FUT8: variants seen among roughly 807,000 people sequenced by gnomAD.
FUT8 encodes alpha-(1,6)-fucosyltransferase.
A neutral mutation model predicts 71.3 loss-of-function variants in FUT8; 29 were observed. The observed-to-expected ratio is 0.41, with a 90% CI of 0.30 to 0.55. The LOEUF (loss-of-function observed/expected upper bound fraction) is 0.55. Among genes scored for constraint, FUT8 ranks in the 20% least tolerant of loss-of-function variants. FUT8 has a pLI of 0.34. For missense variants in FUT8, 544 were observed against 702.1 expected (o/e 0.77, Z 2.55); for synonymous variants, 254 against 239.3 (o/e 1.06, Z -0.57).
In FUT8 at chr14:65,478,514, T is replaced by C. The variant is rs578234482; in HGVS notation, c.-228+22796T>C. On this transcript the variant is annotated intron_variant, in intron 2 of 10. Transcript: ENST00000673929. ...TTAAGTGTGATTTTTTTTTCTAATT[T>C]GGGGATAGCTCCTATTTTTGTGAGA... is the stretch of plus-strand genomic sequence containing the variant. 7.9e-5 allele frequency among the ~76,000 whole-genome samples: 12 copies of C among 152,296 alleles called. No individual in the cohort carries two copies. In the East Asian group the frequency reaches 1.5e-3, roughly 20 times the overall value.
chr14:65,420,516 C>G (rs1389869601), intron 1 of FUT8, among the ~76,000 whole-genome samples: 1 of 151,956 alleles, frequency 6.6e-6, no homozygotes, highest in Non-Finnish European at 1.5e-5. Context: ...TAATAGGGAT[C>G]ATGTGTTCAT....
the FUT8 span, among the ~76,000 whole-genome samples, chr14:65,376,960 A>T: frequency 6.6e-6 from 1 of 152,198 alleles, no homozygotes; most frequent in South Asian, 2.1e-4. Flanking sequence ...GAGCCTGGCA[A>T]TGTTAGATTT....
chr14:65,706,466 C>A (rs936473678), intron 7 of FUT8, among the ~76,000 whole-genome samples: 7 of 152,110 alleles, frequency 4.6e-5, no homozygotes, highest in Non-Finnish European at 8.8e-5. Flanking sequence ...AATGAATGAC[C>A]TTATAAAACA....
chr14:65,536,319 A>G (rs1038224969), intron 2 of FUT8, among the ~76,000 whole-genome samples: 11 of 151,920 alleles, frequency 7.2e-5, no homozygotes, highest in Non-Finnish European at 1.6e-4. Flanking sequence ...TATTATACCT[A>G]CTTGTTTGTG....
At chr14:65,520,465 G>A (rs1380838603) in intron 2 of FUT8, among the ~76,000 whole-genome samples, 2 of 151,890 alleles carry the variant, frequency 1.3e-5, no homozygotes, top group South Asian at 2.1e-4. Context: ...AGGATAGTAC[G>A]GAATGTTAAA....
chr14:65,422,136 A>G (rs1004704980), intron 1 of FUT8, among the ~76,000 whole-genome samples: 4 of 152,154 alleles, frequency 2.6e-5, no homozygotes, highest in Admixed American at 1.3e-4. Flanking sequence ...GTATTGTTCA[A>G]TAATAAAAGA....
At chr14:65,418,101 G>A (rs1243275667) in intron 1 of FUT8, among the ~76,000 whole-genome samples, 1 of 152,130 alleles carries the variant, frequency 6.6e-6, no homozygotes, top group South Asian at 2.1e-4. Flanking sequence ...TAGCAATGAG[G>A]CACATGAAGA....
intron 1 of FUT8, among the ~76,000 whole-genome samples, chr14:65,417,885 A>G (rs1399936304): frequency 6.6e-6 from 1 of 152,212 alleles, no homozygotes; most frequent in Non-Finnish European, 1.5e-5. Context: ...TATTTGTTGT[A>G]TTTTATAACT....
intron 3 of FUT8, among the ~76,000 whole-genome samples, chr14:65,609,177 C>A (rs1451791840): frequency 6.6e-6 from 1 of 151,532 alleles, no homozygotes; most frequent in Non-Finnish European, 1.5e-5. Context: ...CTCCTGTAGT[C>A]CCAGCTACTT....
intron 1 of FUT8, among the ~76,000 whole-genome samples, chr14:65,426,779 A>G (rs192471785): frequency 6.6e-5 from 10 of 152,312 alleles, no homozygotes; most frequent in East Asian, 1.9e-4. Flanking sequence ...TTAAACTCCA[A>G]CAGGATTGTC....
chr14:65,622,270 G>A (rs150246950), intron 5 of FUT8, among the ~76,000 whole-genome samples: 67 of 150,152 alleles, frequency 4.5e-4, no homozygotes, highest in African/African-American at 1.5e-3. Context: ...TCTCTTCTAC[G>A]TACGGGGATA....
intron 7 of FUT8, among the ~76,000 whole-genome samples, chr14:65,674,119 A>T (rs1264970597): frequency 6.6e-6 from 1 of 151,920 alleles, no homozygotes; most frequent in Non-Finnish European, 1.5e-5. Context: ...TATAGATATA[A>T]TATACATATT....
chr14:65,404,967 C>G, the FUT8 span, among the ~76,000 whole-genome samples: 1 of 152,166 alleles, frequency 6.6e-6, no homozygotes, highest in African/African-American at 2.4e-5. Flanking sequence ...CAGCAGCTTA[C>G]ACAAAATAAT....
chr14:65,556,940 A>G (rs1885614524), intron 2 of FUT8, among the ~76,000 whole-genome samples: 2 of 152,214 alleles, frequency 1.3e-5, no homozygotes, highest in African/African-American at 2.4e-5. Flanking sequence ...GCTATGATGT[A>G]GCAGAACTGA....
At chr14:65,516,649 A>G (rs1489834755) in intron 2 of FUT8, among the ~76,000 whole-genome samples, 1 of 152,134 alleles carries the variant, frequency 6.6e-6, no homozygotes, top group African/African-American at 2.4e-5. Context: ...GAAGTCTATA[A>G]TTTTACATTG....
At chr14:65,549,976 G>T (rs543302079) in intron 2 of FUT8, among the ~76,000 whole-genome samples, 192 of 152,242 alleles carry the variant, frequency 1.3e-3, no homozygotes, top group Non-Finnish European at 2.3e-3. Context: ...CAGGAGAATC[G>T]CTTGAACCCA....
At chr14:65,415,321 A>G (rs1057419029) in intron 1 of FUT8, among the ~76,000 whole-genome samples, 2 of 152,210 alleles carry the variant, frequency 1.3e-5, no homozygotes, top group Admixed American at 6.5e-5. Context: ...ATATATGTAC[A>G]TAGTTATTTG....
At chr14:65,686,377 G>A (rs879789060) in intron 7 of FUT8, among the ~76,000 whole-genome samples, 3 of 152,058 alleles carry the variant, frequency 2.0e-5, no homozygotes, top group Admixed American at 6.6e-5. Context: ...TTCTTGAATC[G>A]ATTCTTTTTT....
chr14:65,481,276 G>A (rs1476063336), intron 2 of FUT8, among the ~76,000 whole-genome samples: 1 of 152,044 alleles, frequency 6.6e-6, no homozygotes, highest in Non-Finnish European at 1.5e-5. Flanking sequence ...ACCTATTTAA[G>A]TCCTTTGCCC....
Sources: gnomAD v4.1 joint callset for allele counts (sites outside exome capture counted in the v4.1 genomes callset) on GRCh38, gnomAD v4.1.1 for gene constraint, MANE v1.5 for transcripts, NCBI Gene and HGNC (gene_info 2026-07-23, HGNC 2026-07-21) for gene names.